GPNMB: variants seen among roughly 807,000 people sequenced by gnomAD.
The protein encoded by GPNMB is transmembrane glycoprotein NMB.
A neutral mutation model predicts 57.3 loss-of-function variants in GPNMB; 71 were observed. The observed-to-expected ratio is 1.24, with a 90% CI of 1.02 to 1.51. GPNMB has a LOEUF of 1.51. Among genes scored for constraint, GPNMB ranks in the 40% most tolerant of loss-of-function variants. The pLI is 0.00. For missense variants in GPNMB, 677 were observed against 691.9 expected (o/e 0.98, Z 0.24); for synonymous variants, 253 against 263.2 (o/e 0.96, Z 0.38).
At chr7:23,248,232 G>A (rs982625990) in intron 1 of GPNMB, among the ~76,000 whole-genome samples, 4 of 152,186 alleles carry the variant, frequency 2.6e-5, no homozygotes, top group African/African-American at 4.8e-5. Flanking sequence ...TGTTCCTACG[G>A]AGGCAGACCT....
Position 23,253,348 on chromosome 7 carries a change from A to G in GPNMB, c.112A>G (p.Met38Val), listed in dbSNP as rs753722741. ...GGGCAATGAAAGACCTTCTGCTTAC[A>G]TGAGGGAGCACAATCAATTAAATGG... Reference protein sequence around the residue: ...VLGNERPSAYMREHNQLNGWS... With the variant: ...VLGNERPSAYVREHNQLNGWS... The change falls in exon 2 of 11, where the codon ATG (methionine) becomes GTG (valine). Residue 38 changes from methionine (M) to valine (V), a missense_variant. Met to Val is a conservative substitution (Grantham distance 21). Transcript: ENST00000258733. The G allele has an allele frequency of 6.2e-7, 1 of 1,613,820 alleles. No individual in the cohort carries two copies. Among genetic ancestry groups the G allele is most frequent in the Non-Finnish European group, 8.5e-7 (1 of 1,179,682 alleles).
chr7:23,264,038 A>G (rs565938320), intron 6 of GPNMB, among the ~76,000 whole-genome samples: 6 of 151,140 alleles, frequency 4.0e-5, no homozygotes, highest in Non-Finnish European at 7.4e-5. Context: ...AAGTCACGGA[A>G]TTCTCTTCAC....
chr7:23,269,068 G>T (rs1783136359), intron 8 of GPNMB, among the ~76,000 whole-genome samples: 1 of 152,104 alleles, frequency 6.6e-6, no homozygotes, highest in South Asian at 2.1e-4. Context: ...CTGTTAAACT[G>T]GGGTAATGTT....
chr7:23,270,043 G>C lies in GPNMB; in HGVS notation c.1297G>C (p.Asp433His). 2 of 1,614,048 alleles carry C rather than the reference G, an allele frequency of 1.2e-6. No homozygotes were observed. The highest frequency in any genetic ancestry group is 1.7e-6 in the Non-Finnish European group (2 of 1,179,934). The change falls in exon 9 of 11, where the codon GAT becomes CAT. Residue 433 changes from aspartate to histidine, a missense_variant. Physicochemically the swap from Asp to His is moderately conservative, Grantham distance 81. Transcript: ENST00000258733. Reference protein sequence around the residue: ...ITQNTVCSPVDVDEMCLLTVR... With the variant: ...ITQNTVCSPVHVDEMCLLTVR... ...CCAGAACACAGTCTGCAGCCCTGTG[G>C]ATGTGGATGAGATGTGTCTGCTGAC...
chr7:23,248,361 T>A (rs1392990561), intron 1 of GPNMB, among the ~76,000 whole-genome samples: 5 of 152,214 alleles, frequency 3.3e-5, no homozygotes, highest in African/African-American at 1.2e-4. Context: ...CACTTCGCTC[T>A]GCTCAATAAA....
rs935619219 is a variant in GPNMB at position 23,254,033 on chromosome 7, A to G, written c.224-136A>G. ...TGTACTCTGAAAGCTAAAGTGAGGA[A>G]TACAAAATATAAATTTAATATATTA... On this transcript the variant is annotated intron_variant, in intron 2 of 10. Transcript: ENST00000258733. 7.0e-6 allele frequency: 4 copies of G among 574,584 alleles called. No homozygotes were observed. The African/African-American group carries it at 7.8e-5, about 11-fold the overall frequency. The allele number at this position is 574,584 out of a possible 1,614,324, so 35.6% of individuals were successfully genotyped here.
At chr7:23,257,528 C>G (rs1489114574) in intron 4 of GPNMB, 1 of 188,588 alleles carries the variant, frequency 5.3e-6, no homozygotes, top group Non-Finnish European at 1.1e-5. Flanking sequence ...AAAAATTAGC[C>G]AGGTGTGGTG....
chr7:23,254,426 T>G (rs1782731095), intron 3 of GPNMB, 114 bp downstream of exon 3: 1 of 787,882 alleles, frequency 1.3e-6, no homozygotes, highest in Non-Finnish European at 2.0e-6. Flanking sequence ...CTGCACTCCA[T>G]GAGCTGGATG....
intron 9 of GPNMB, 55 bp from the exon 10 acceptor site, chr7:23,273,466 C>A: frequency 9.2e-7 from 1 of 1,084,668 alleles, no homozygotes; most frequent in Non-Finnish European, 1.4e-6. Context: ...GCATTATAAG[C>A]GGCATGTCCT....
chr7:23,249,839 G>T (rs575126109), intron 1 of GPNMB, among the ~76,000 whole-genome samples: 6 of 152,300 alleles, frequency 3.9e-5, no homozygotes, highest in East Asian at 3.9e-4. Context: ...ACAATTTCTT[G>T]GTTGTATGAT....
chr7:23,249,750 A>G (rs1224385143), intron 1 of GPNMB, among the ~76,000 whole-genome samples: 2 of 152,206 alleles, frequency 1.3e-5, no homozygotes, highest in African/African-American at 2.4e-5. Flanking sequence ...GCTATTATGA[A>G]TAAAGCTGCT....
chr7:23,266,713 AAGGGCACC>A (rs1402315974), intron 7 of GPNMB, 98 bp downstream of exon 7: 1 of 1,034,184 alleles, frequency 9.7e-7, no homozygotes, highest in African/African-American at 1.6e-5. Context: ...GGTAGGTGGT[AAGGGCACC>A]CCTCTGCTTG....
chr7:23,250,493 G>A (rs1164787937), intron 1 of GPNMB, among the ~76,000 whole-genome samples: 1 of 152,004 alleles, frequency 6.6e-6, no homozygotes, highest in Admixed American at 6.6e-5. Flanking sequence ...TAATCGGAAG[G>A]CTGGGGCAGG....
At chr7:23,273,689 C>G in intron 10 of GPNMB, 75 bp downstream of exon 10, 1 of 971,022 alleles carries the variant, frequency 1.0e-6, no homozygotes, top group East Asian at 2.4e-5. Flanking sequence ...TGTAAATAGG[C>G]ATTTTTCCCT....
At position 23,260,061 on chromosome 7, in the gene GPNMB, T is replaced by C; in HGVS notation, c.623T>C (p.Met208Thr). 1 of 1,614,112 alleles carries C rather than the reference T, an allele frequency of 6.2e-7. No homozygotes were observed. The highest frequency in any genetic ancestry group is 8.5e-7 in the Non-Finnish European group (1 of 1,179,956). The change falls in exon 5 of 11, where the codon ATG becomes ACG. Residue 208 changes from methionine (M) to threonine (T), a missense_variant. Transcript: ENST00000258733. ...TANVTLGPQL[M>T]EVTVYRRHGR... is the part of the protein sequence containing the mutation. ...AATGTGACACTTGGGCCTCAACTCA[T>C]GGAAGTGACTGTCTACAGAAGACAT...
chr7:23,269,071 G>A lies in GPNMB; in HGVS notation c.1221-896G>A, dbSNP rs1422090401. ...CTGATTTGTCATCTGTTAAACTGGG[G>A]TAATGTTACTTTCTTCAAAAAGCTA... On this transcript the variant is annotated intron_variant, in intron 8 of 10. Coordinates refer to ENST00000258733, the MANE Select transcript of GPNMB (RefSeq NM_002510.3). 2.0e-5 allele frequency among the ~76,000 whole-genome samples: 3 copies of A among 152,110 alleles called. No individual in the cohort carries two copies. The East Asian group carries it at 5.8e-4, about 29-fold the overall frequency.
chr7:23,272,069 CA>C (rs1421299973), intron 9 of GPNMB, among the ~76,000 whole-genome samples: 1 of 152,110 alleles, frequency 6.6e-6, no homozygotes, highest in Non-Finnish European at 1.5e-5. Context: ...AGAAGGGAGC[CA>C]AAACCTCTGC....
rs1332069555 is a variant in GPNMB at position 23,246,836 on chromosome 7, C to T, written c.-22C>T. On this transcript the variant is annotated 5_prime_UTR_variant, in exon 1 of 11. Coordinates refer to ENST00000258733, the MANE Select transcript of GPNMB (RefSeq NM_002510.3). ...GGAATTCAGAGTTAAACCTTGAGTG[C>T]CTGCGTCCGTGAGAATTCAGCATGG... 11 of 1,595,496 alleles carry T rather than the reference C, an allele frequency of 6.9e-6. No homozygotes were observed. The highest frequency in any genetic ancestry group is 3.3e-4 in the Middle Eastern group (2 of 6,026).
chr7:23,272,939 G>C (rs1783245381), intron 9 of GPNMB: 1 of 151,956 alleles, frequency 6.6e-6, no homozygotes, highest in Non-Finnish European at 1.5e-5. Flanking sequence ...GACCTCCCGG[G>C]CTCAAGCAAT....
Sources: allele counts gnomAD v4.1 joint callset (sites outside exome capture counted in the v4.1 genomes callset), GRCh38; gene constraint gnomAD v4.1.1; transcripts MANE v1.5; gene names NCBI Gene and HGNC (gene_info 2026-07-23, HGNC 2026-07-21).